SFSWAP: variants seen among roughly 807,000 people sequenced by gnomAD.
SFSWAP encodes the protein splicing factor SWAP.
A neutral mutation model predicts 100.7 loss-of-function variants in SFSWAP; 17 were observed. That is an observed-to-expected ratio of 0.17 (90% CI 0.12 to 0.25). The LOEUF is 0.25. SFSWAP is among the 10% of genes least tolerant of loss of function. The pLI, the probability that SFSWAP is intolerant of heterozygous loss-of-function variation, is 1.00. For synonymous variants in SFSWAP, 504 were observed against 510.1 expected (o/e 0.99, Z 0.16); for missense variants, 1,005 against 1,262.6 (o/e 0.80, Z 3.09).
At chr12:131,746,140 A>G (rs952627319) in intron 7 of SFSWAP, among the ~76,000 whole-genome samples, 2 of 152,188 alleles carry the variant, frequency 1.3e-5, no homozygotes, top group Admixed American at 6.5e-5. Context: ...TGGAGAGGAG[A>G]TCTCAGGTGA....
At chr12:131,770,363 C>T (rs563781443) in intron 13 of SFSWAP, among the ~76,000 whole-genome samples, 5 of 152,298 alleles carry the variant, frequency 3.3e-5, no homozygotes, top group East Asian at 1.9e-4. Flanking sequence ...CCAGGTCTGT[C>T]GGGGCCGTGG....
chr12:131,727,413 G>A (rs1360956435), intron 6 of SFSWAP, among the ~76,000 whole-genome samples: 2 of 152,232 alleles, frequency 1.3e-5, no homozygotes, highest in Non-Finnish European at 2.9e-5. Flanking sequence ...TTGGGAGGCT[G>A]AGGCAGGTGG....
chr12:131,725,793 C>T lies in SFSWAP; in HGVS notation c.832+163C>T, dbSNP rs111314909. Among the ~76,000 whole-genome samples the T allele has an allele frequency of 2.6e-5, 4 of 152,104 alleles. No homozygotes were observed. The highest frequency in any genetic ancestry group is 2.6e-4 in the Admixed American group (4 of 15,266). On this transcript the variant is annotated intron_variant, in intron 5 of 17. Transcript: ENST00000261674. This position sits in a 1 kb window ranked among gnomAD's most constrained non-coding sequence, Gnocchi z 4.3. ...TGTGTCTGAAATCCTGCAGCTAAGG[C>T]GTGATCGTTACCCCTGCTGGTGCAC...
chr12:131,759,215 T>TA (rs1481325278), intron 11 of SFSWAP, among the ~76,000 whole-genome samples: 1 of 152,198 alleles, frequency 6.6e-6, no homozygotes, highest in African/African-American at 2.4e-5. Context: ...TAAGAAAACA[T>TA]AAGTGCTGAA....
rs918207143 is a variant in SFSWAP at position 131,728,397 on chromosome 12, G to C, written c.1050G>C (p.Val350=). ...PTPHNADGAP[V]QPSQVEYTAD... ...CACACAACGCAGACGGTGCGCCTGT[G>C]CAGCCCTCCCAGGTGGAGTACACGG... Residue 350 remains valine, a synonymous_variant, in exon 7 of 18, where the codon GTG becomes GTC. Coordinates refer to ENST00000261674, the MANE Select transcript of SFSWAP (RefSeq NM_004592.4). 1.3e-5 allele frequency: 21 copies of C among 1,614,118 alleles called. No individual in the cohort carries two copies. Among genetic ancestry groups the C allele is most frequent in the East Asian group, 6.7e-5 (3 of 44,896 alleles).
rs562953043 is a variant in SFSWAP, at chr12:131,751,658, T to A, written c.1082-1465T>A. Among the ~76,000 whole-genome samples the A allele has an allele frequency of 7.2e-5, 11 of 152,392 alleles. No homozygotes were observed. The South Asian group carries it at 2.3e-3, about 32-fold the overall frequency. The stretch of plus-strand genomic sequence containing the variant: ...AAGCACATGCTTATATTCGGATTCC[T>A]GATTTTGATAGGAAGCCTATGTTGG... On this transcript the variant is annotated intron_variant, in intron 7 of 17. Transcript: ENST00000261674.
At chr12:131,749,035 A>G (rs1414044876) in intron 7 of SFSWAP, among the ~76,000 whole-genome samples, 1 of 152,232 alleles carries the variant, frequency 6.6e-6, no homozygotes, top group African/African-American at 2.4e-5. Flanking sequence ...TGCACATGCA[A>G]TTTGCATTCA....
intron 11 of SFSWAP, among the ~76,000 whole-genome samples, chr12:131,760,532 G>C (rs1348295814): frequency 6.6e-6 from 1 of 152,188 alleles, no homozygotes; most frequent in African/African-American, 2.4e-5. Context: ...TACTGTTTTT[G>C]AGTGTAAGTC....
At chr12:131,779,229 G>GGGTGAGTGTGTGTGAAGAGGGCGGCGCT (rs1566051504) in intron 14 of SFSWAP, among the ~76,000 whole-genome samples, 4 of 149,512 alleles carry the variant, frequency 2.7e-5, no homozygotes, top group African/African-American at 9.8e-5. Context: ...AGGGCGGCGC[G>GGGTGAGTGTGTGTGAAGAGGGCGGCGCT]GGTGAGCGTG....
intron 7 of SFSWAP, among the ~76,000 whole-genome samples, chr12:131,750,260 G>T (rs1221238264): frequency 6.6e-6 from 1 of 152,226 alleles, no homozygotes; most frequent in African/African-American, 2.4e-5. Context: ...CTGTGGTGTT[G>T]GTTCCCGGGC....
In SFSWAP at chr12:131,799,453, G is replaced by A; in HGVS notation, c.2821G>A (p.Ala941Thr). 2 of 1,614,160 alleles carry A rather than the reference G, an allele frequency of 1.2e-6. No individual in the cohort carries two copies. Among genetic ancestry groups the A allele is most frequent in the Non-Finnish European group, 1.7e-6 (2 of 1,180,000 alleles). ...DLMAKVRAML[A>T]ASKNLQTSAS ...CATGGCCAAAGTCAGAGCGATGCTT[G>A]CAGCTTCCAAAAACCTGCAAACCAG... Residue 941 changes from alanine (A) to threonine (T), a missense_variant, in exon 18 of 18, where the codon GCA (alanine) becomes ACA (threonine). By Grantham distance (58) the Ala-to-Thr change is moderately conservative. Around this residue, in one of 7 missense-constraint regions of SFSWAP, gnomAD observed 295 missense variants for 347.9 expected, o/e 0.85. Coordinates refer to ENST00000261674, the MANE Select transcript of SFSWAP (RefSeq NM_004592.4).
chr12:131,717,511 G>A (rs1343622557), intron 3 of SFSWAP, among the ~76,000 whole-genome samples: 2 of 152,068 alleles, frequency 1.3e-5, no homozygotes, highest in African/African-American at 4.8e-5. Flanking sequence ...GCAATGGTTG[G>A]TTTTTATTTT....
intron 3 of SFSWAP, among the ~76,000 whole-genome samples, chr12:131,716,265 C>A (rs1022751814): frequency 2.0e-5 from 3 of 152,186 alleles, no homozygotes; most frequent in Non-Finnish European, 4.4e-5. Flanking sequence ...GAGAAACTTT[C>A]AAGTGTAATT....
intron 7 of SFSWAP, among the ~76,000 whole-genome samples, chr12:131,745,142 C>T (rs894105842): frequency 7.2e-5 from 11 of 152,174 alleles, no homozygotes; most frequent in African/African-American, 1.9e-4. Flanking sequence ...ATAATAAATG[C>T]TTTTAAGTAT....
intron 13 of SFSWAP, among the ~76,000 whole-genome samples, chr12:131,771,530 G>A (rs187214021): frequency 3.9e-5 from 6 of 152,046 alleles, no homozygotes; most frequent in South Asian, 4.2e-4. Flanking sequence ...TAGGGTGTGC[G>A]AACTATTTCT....
intron 13 of SFSWAP, among the ~76,000 whole-genome samples, chr12:131,770,896 A>G (rs1406258820): frequency 1.3e-5 from 2 of 152,144 alleles, no homozygotes; most frequent in Non-Finnish European, 2.9e-5. Context: ...AGCCTCTGTG[A>G]ACGGGACTCC....
intron 7 of SFSWAP, among the ~76,000 whole-genome samples, chr12:131,729,460 C>T (rs1288611221): frequency 6.6e-6 from 1 of 152,218 alleles, no homozygotes; most frequent in Non-Finnish European, 1.5e-5. Context: ...GCTGAGATTG[C>T]ACTGCCACAC....
At chr12:131,753,440 G>A in intron 8 of SFSWAP, 77 bp downstream of exon 8, 1 of 1,502,734 alleles carries the variant, frequency 6.7e-7, no homozygotes, top group Admixed American at 2.2e-5. Context: ...GTGTCTCCAT[G>A]GGGGGCTTGT....
At chr12:131,740,876 G>A (rs1185549858) in intron 7 of SFSWAP, among the ~76,000 whole-genome samples, 1 of 150,946 alleles carries the variant, frequency 6.6e-6, no homozygotes, top group Non-Finnish European at 1.5e-5. Context: ...GGCAGCTGCA[G>A]ATGGTTGTAG....
Sources: allele counts gnomAD v4.1 joint callset (sites outside exome capture counted in the v4.1 genomes callset), GRCh38; gene constraint gnomAD v4.1.1; regional missense constraint gnomAD v4.1.1; non-coding constraint Gnocchi (gnomAD v3.1); transcripts MANE v1.5; gene names NCBI Gene and HGNC (gene_info 2026-07-23, HGNC 2026-07-21).